Variants in ISL1 observed in about 807,000 individuals in gnomAD.
The protein encoded by ISL1 is ISL LIM homeobox 1.
A neutral mutation model predicts 35.3 loss-of-function variants in ISL1; 4 were observed. The ratio of observed to expected loss-of-function variants is 0.11; its 90% confidence interval spans 0.06 to 0.26. ISL1 has a LOEUF of 0.26. Among genes scored for constraint, ISL1 ranks in the 10% least tolerant of loss-of-function variants. The pLI is 1.00. For missense variants in ISL1, 340 were observed against 472.8 expected (o/e 0.72, Z 2.60); for synonymous variants, 186 against 172.3 (o/e 1.08, Z -0.62).
rs906137942 is a variant in ISL1 at position 51,389,194 on chromosome 5, A to G, written c.479-452A>G. ...CCTCTGTGGCCTTGGCCCAAGAGAA[A>G]ATTCTGATCCTGGAGAGGGTGGTAA... is the stretch of plus-strand genomic sequence containing the variant. On this transcript the variant is annotated intron_variant, in intron 3 of 5. Coordinates refer to ENST00000230658, the MANE Select transcript of ISL1 (RefSeq NM_002202.3). The surrounding 1 kb of genome is among the most constrained non-coding windows in gnomAD (Gnocchi z 5.0). Among the ~76,000 whole-genome samples, 69 of 151,970 alleles carry G rather than the reference A, an allele frequency of 4.5e-4. 1 individual carries two copies. The highest frequency in any genetic ancestry group is 5.9e-5 in the Non-Finnish European group (4 of 68,018).
In ISL1 at chr5:51,387,716, C is replaced by T; in HGVS notation, c.445C>T (p.Pro149Ser). ...ASLGAGDPLS[P>S]LHPARPLQMA... is the part of the protein sequence containing the mutation. ...TCTAGGCGCTGGCGACCCGCTCAGTCCCCTGCATCCAGCGCGGCCACTGCA... is the reference window on the plus strand; with the variant it reads ...TCTAGGCGCTGGCGACCCGCTCAGTTCCCTGCATCCAGCGCGGCCACTGCA... The change falls in exon 3 of 6, where the codon CCC becomes TCC. Residue 149 changes from proline to serine, a missense_variant. By Grantham distance (74) the Pro-to-Ser change is moderately conservative. This residue lies in a region of ISL1 where 94 missense variants were observed against 102.1 expected (regional missense o/e 0.92). Coordinates refer to ENST00000230658, the MANE Select transcript of ISL1 (RefSeq NM_002202.3). This position sits in a 1 kb window ranked among gnomAD's most constrained non-coding sequence, Gnocchi z 4.3. The T allele has an allele frequency of 6.2e-7, 1 of 1,614,216 alleles. No homozygotes were observed. Among genetic ancestry groups the T allele is most frequent in the Non-Finnish European group, 8.5e-7 (1 of 1,180,046 alleles).
chr5:51,390,455 C>T (rs761310223), intron 4 of ISL1, among the ~76,000 whole-genome samples: 1 of 151,952 alleles, frequency 6.6e-6, no homozygotes, highest in Non-Finnish European at 1.5e-5. Context: ...GGCGAGTTCC[C>T]CCAAGGTGAC....
chr5:51,384,794 T>C, intron 2 of ISL1, 64 bp downstream of exon 2: 1 of 1,449,254 alleles, frequency 6.9e-7, no homozygotes, highest in East Asian at 2.3e-5. Flanking sequence ...ACTCTTTATG[T>C]ATTATTTGGT....
chr5:51,387,456 C>G lies in ISL1; in HGVS notation c.219-34C>G. On this transcript the variant is annotated intron_variant, in intron 2 of 5. Transcript: ENST00000230658. This position sits in a 1 kb window ranked among gnomAD's most constrained non-coding sequence, Gnocchi z 4.3. ...CTCTTCCTGTACTTCTCTCCCCGCT[C>G]TGGGCCGCCTCCGCTCCCCCCTCCC... 6.2e-7 allele frequency: 1 copy of G among 1,612,400 alleles called. No individual in the cohort carries two copies. Among genetic ancestry groups the G allele is most frequent in the Non-Finnish European group, 8.5e-7 (1 of 1,179,322 alleles).
rs780007452 is a variant in ISL1, at chr5:51,391,288, G to C, written c.780G>C (p.Met260Ile). Residue 260 changes from methionine to isoleucine, a missense_variant, in exon 5 of 6, where the codon ATG becomes ATC. This residue lies in a region of ISL1 where 25 missense variants were observed against 43.2 expected (regional missense o/e 0.58). Coordinates refer to ENST00000230658, the MANE Select transcript of ISL1 (RefSeq NM_002202.3). Reference protein sequence around the residue: ...QPNDKTNIQGMTGTPMVAASP... With the variant: ...QPNDKTNIQGITGTPMVAASP... ...CCTATTCACAGAATATCCAGGGGAT[G>C]ACAGGAACTCCCATGGTGGCTGCCA... 1.2e-6 allele frequency: 2 copies of C among 1,612,670 alleles called. No individual in the cohort carries two copies. The highest frequency in any genetic ancestry group is 1.7e-6 in the Non-Finnish European group (2 of 1,179,910).
chr5:51,388,599 G>A (rs1279681285), intron 3 of ISL1, among the ~76,000 whole-genome samples: 1 of 152,196 alleles, frequency 6.6e-6, no homozygotes, highest in Admixed American at 6.5e-5. Flanking sequence ...GGGTTAGAAG[G>A]TGGACAGTGT....
At chr5:51,388,995 G>A (rs1747418798) in intron 3 of ISL1, among the ~76,000 whole-genome samples, 1 of 152,118 alleles carries the variant, frequency 6.6e-6, no homozygotes, top group South Asian at 2.1e-4. Context: ...CTAAGAGCAG[G>A]GATTGGAGAT....
rs777967995 is a variant in ISL1 at position 51,393,579 on chromosome 5, A to G, written c.1019A>G (p.Asn340Ser). Residue 340 changes from asparagine to serine, a missense_variant, in exon 6 of 6, where the codon AAC (asparagine) becomes AGC (serine). Transcript: ENST00000230658. Reference protein sequence around the residue: ...SMSSQLPDTPNSMVASPIEA With the variant: ...SMSSQLPDTPSSMVASPIEA The stretch of plus-strand genomic sequence containing the variant: ...TCCTCTCAACTTCCAGATACACCTA[A>G]CAGCATGGTAGCCAGTCCTATTGAG... The G allele has an allele frequency of 1.7e-5, 28 of 1,611,274 alleles. No homozygotes were observed. Among genetic ancestry groups the G allele is most frequent in the Non-Finnish European group, 2.4e-5 (28 of 1,177,498 alleles).
rs1394275050 is a variant in ISL1 at position 51,387,839 on chromosome 5, G to A, written c.478+90G>A. ...CAACAACTATGGTAGCTACAGGGGT[G>A]GTCGTAGTGTTTGCCTGCAGTTAAA... On this transcript the variant is annotated intron_variant, in intron 3 of 5. Coordinates refer to ENST00000230658, the MANE Select transcript of ISL1 (RefSeq NM_002202.3). The surrounding 1 kb of genome is among the most constrained non-coding windows in gnomAD (Gnocchi z 4.3). 1 of 1,528,020 alleles carries A rather than the reference G, an allele frequency of 6.5e-7. No individual in the cohort carries two copies. The highest frequency in any genetic ancestry group is 1.4e-5 in the African/African-American group (1 of 73,218). 94.7% of individuals were successfully genotyped at this position (1,528,020 alleles called of 1,614,324 possible). A position where few individuals can be genotyped will look rare whatever the true frequency, so the allele number is the denominator to read the frequency against.
intron 4 of ISL1, among the ~76,000 whole-genome samples, chr5:51,390,636 C>CCTTTTTTT (rs1747475980): frequency 1.5e-4 from 11 of 74,324 alleles, no homozygotes; most frequent in African/African-American, 4.7e-4. Flanking sequence ...TCTTTTCTTT[C>CCTTTTTTT]TTTTTCTTTT....
chr5:51,391,142 A>T (rs1747503681), intron 4 of ISL1, 132 bp from the exon 5 acceptor site: 2 of 818,112 alleles, frequency 2.4e-6, no homozygotes, highest in Non-Finnish European at 3.8e-6. Context: ...GGTACGGCGG[A>T]TTAACTGAGT....
Position 51,391,318 on chromosome 5 carries a change from A to C in ISL1, c.810A>C (p.Pro270=). 1 of 1,613,654 alleles carries C rather than the reference A, an allele frequency of 6.2e-7. No homozygotes were observed. The highest frequency in any genetic ancestry group is 2.2e-5 in the East Asian group (1 of 44,874). ...MTGTPMVAAS[P]ERHDGGLQAN... is the part of the protein sequence containing the mutation. ...GAACTCCCATGGTGGCTGCCAGTCC[A>C]GAGAGACACGACGGTGGCTTACAGG... Residue 270 remains proline, a synonymous_variant, in exon 5 of 6, where the codon CCA becomes CCC. Coordinates refer to ENST00000230658, the MANE Select transcript of ISL1 (RefSeq NM_002202.3).
At position 51,388,243 on chromosome 5, in the gene ISL1, A is replaced by AT. The variant is rs201515157; in HGVS notation, c.478+504dup. ...CCTTGTGAGTTGCTTCACACTCGAA[A>AT]TTTTTTTTTTAATTTTTTTATCTTT... On this transcript the variant is annotated intron_variant, in intron 3 of 5. Transcript: ENST00000230658. Among the ~76,000 whole-genome samples, 713 of 151,508 alleles carry AT rather than the reference A, an allele frequency of 4.7e-3. 6 individuals carry two copies. The highest frequency in any genetic ancestry group is 0.024 in the East Asian group (122 of 5,160).
rs370591252 is a variant in ISL1, at chr5:51,383,459, C to T, written c.-213C>T. Reference sequence around the variant, plus strand: ...GCCCGAGCCGCGCCGAGTCTGCCGCCGCCGCAGCGCCTCCGCTCCGCCAAC... The same window carrying T: ...GCCCGAGCCGCGCCGAGTCTGCCGCTGCCGCAGCGCCTCCGCTCCGCCAAC... On this transcript the variant is annotated 5_prime_UTR_variant, in exon 1 of 6. Coordinates refer to ENST00000230658, the MANE Select transcript of ISL1 (RefSeq NM_002202.3). 27 of 618,758 alleles carry T rather than the reference C, an allele frequency of 4.4e-5. No homozygotes were observed. Among genetic ancestry groups the T allele is most frequent in the Middle Eastern group, 4.3e-4 (1 of 2,312 alleles). 38.3% of individuals were successfully genotyped at this position (618,758 alleles called of 1,614,324 possible).
intron 5 of ISL1, 131 bp downstream of exon 5, chr5:51,391,572 G>A: frequency 1.0e-6 from 1 of 990,222 alleles, no homozygotes; most frequent in Non-Finnish European, 1.6e-6. Flanking sequence ...CCAAGGAGGT[G>A]GGTAATGAAG....
chr5:51,386,750 G>A, intron 2 of ISL1: 1 of 391,882 alleles, frequency 2.6e-6, no homozygotes, highest in Non-Finnish European at 5.0e-6. Flanking sequence ...AAAGATTGAG[G>A]GAACAGACGC....
intron 1 of ISL1, among the ~76,000 whole-genome samples, 198 bp downstream of exon 1, chr5:51,383,897 T>C (rs1371236063): frequency 2.0e-5 from 3 of 152,120 alleles, no homozygotes; most frequent in African/African-American, 7.2e-5. Context: ...GATTGTACCT[T>C]GTGTGTGAAT....
At position 51,393,770 on chromosome 5, in the gene ISL1, A is replaced by G. The variant is rs1234015936; in HGVS notation, c.*160A>G. On this transcript the variant is annotated 3_prime_UTR_variant, in exon 6 of 6. Coordinates refer to ENST00000230658, the MANE Select transcript of ISL1 (RefSeq NM_002202.3). ...AAGTCTGTTTTAATGACAAGGTGAT[A>G]TGGTAGCAACACTGTGAAGACAATC... 1.9e-5 allele frequency: 13 copies of G among 679,676 alleles called. No homozygotes were observed. The highest frequency in any genetic ancestry group is 2.9e-5 in the Non-Finnish European group (11 of 373,812). The allele number at this position is 679,676 out of a possible 1,614,324, so 42.1% of individuals were successfully genotyped here. A position where few individuals can be genotyped will look rare whatever the true frequency, so the allele number is the denominator to read the frequency against.
At chr5:51,384,442 A>T (rs1474912504) in intron 1 of ISL1, 99 bp from the exon 2 acceptor site, 4 of 1,069,924 alleles carry the variant, frequency 3.7e-6, no homozygotes, top group East Asian at 2.4e-5. Flanking sequence ...AAAGAAAAAA[A>T]CCTCCCAGAG....
Sources: gnomAD v4.1 joint callset for allele counts (sites outside exome capture counted in the v4.1 genomes callset) on GRCh38, gnomAD v4.1.1 for gene constraint, gnomAD v4.1.1 regional missense constraint, Gnocchi (gnomAD v3.1) non-coding constraint, MANE v1.5 for transcripts, NCBI Gene and HGNC (gene_info 2026-07-23, HGNC 2026-07-21) for gene names.